TEAD1: variants seen among roughly 807,000 people sequenced by gnomAD.
TEAD1 encodes TEA domain transcription factor 1.
TEAD1 carries 9 observed loss-of-function variants against 54.9 expected under a neutral mutation model. That is an observed-to-expected ratio of 0.16 (90% CI 0.10 to 0.29). TEAD1 has a LOEUF of 0.29. TEAD1 is among the 10% of genes least tolerant of loss of function. The pLI, the probability that TEAD1 is intolerant of heterozygous loss-of-function variation, is 1.00. For synonymous variants in TEAD1, 200 were observed against 187.8 expected, an observed-to-expected ratio of 1.07 and a Z score of -0.53; for missense variants, 387 against 535.9, an observed-to-expected ratio of 0.72 and a Z score of 2.74.
At chr11:12,808,856 G>C (rs1429799354) in intron 3 of TEAD1, among the ~76,000 whole-genome samples, 1 of 152,144 alleles carries the variant, frequency 6.6e-6, no homozygotes, top group Non-Finnish European at 1.5e-5. Flanking sequence ...GTAAAATGGG[G>C]AGAAGAATAG....
chr11:12,736,986 T>C (rs1944547076), intron 2 of TEAD1, among the ~76,000 whole-genome samples: 1 of 152,162 alleles, frequency 6.6e-6, no homozygotes, highest in South Asian at 2.1e-4. Flanking sequence ...CAATAATACT[T>C]TATGGGACTT....
intron 9 of TEAD1, among the ~76,000 whole-genome samples, chr11:12,888,194 G>C (rs373123322): frequency 6.6e-6 from 1 of 152,192 alleles, no homozygotes; most frequent in East Asian, 1.9e-4. Flanking sequence ...CCTGCCTGTA[G>C]CATCTCTTAA....
chr11:12,858,380 G>A (rs1007903952), intron 3 of TEAD1, among the ~76,000 whole-genome samples: 1 of 152,158 alleles, frequency 6.6e-6, no homozygotes, highest in African/African-American at 2.4e-5. Flanking sequence ...GATATTTCAA[G>A]TAATTAAAAG....
chr11:12,703,670 C>A (rs1775970752), intron 2 of TEAD1, among the ~76,000 whole-genome samples: 1 of 152,154 alleles, frequency 6.6e-6, no homozygotes, highest in African/African-American at 2.4e-5. Flanking sequence ...TCTTTATATT[C>A]TCAGTGCTTT....
chr11:12,804,825 A>G (rs1946134866), intron 3 of TEAD1, among the ~76,000 whole-genome samples: 1 of 152,204 alleles, frequency 6.6e-6, no homozygotes, highest in African/African-American at 2.4e-5. Context: ...CGTAAAAACT[A>G]GGGTTTCTTC....
At chr11:12,850,917 A>G (rs1053367678) in intron 3 of TEAD1, 1 of 226,632 alleles carries the variant, frequency 4.4e-6, no homozygotes, top group Non-Finnish European at 7.3e-6. Context: ...ATGAGCATGC[A>G]TTGGTCATAA....
chr11:12,844,529 G>A (rs1947100869), intron 3 of TEAD1, among the ~76,000 whole-genome samples: 1 of 152,150 alleles, frequency 6.6e-6, no homozygotes, highest in South Asian at 2.1e-4. Flanking sequence ...ATCATTGGGG[G>A]GCAGGGGTGG....
At chr11:12,765,131 G>A (rs1267530224) in intron 3 of TEAD1, among the ~76,000 whole-genome samples, 1 of 152,104 alleles carries the variant, frequency 6.6e-6, no homozygotes, top group East Asian at 1.9e-4. Context: ...AACACCAAGA[G>A]TGCCAAGGAG....
intron 2 of TEAD1, among the ~76,000 whole-genome samples, chr11:12,749,888 A>G (rs879424076): frequency 2.0e-5 from 3 of 152,186 alleles, no homozygotes; most frequent in Non-Finnish European, 4.4e-5. Context: ...AACTGGATGT[A>G]AACCAAGGAC....
At chr11:12,896,845 TCCTGGTGTCTAGCACAGTG>T (rs1415544580) in intron 9 of TEAD1, among the ~76,000 whole-genome samples, 3 of 152,212 alleles carry the variant, frequency 2.0e-5, no homozygotes, top group Non-Finnish European at 2.9e-5. Flanking sequence ...GCTCATGGAT[TCCTGGTGTCTAGCACAGTG>T]CCTGGCATGT....
intron 3 of TEAD1, among the ~76,000 whole-genome samples, chr11:12,825,937 A>G (rs1439511828): frequency 6.6e-6 from 1 of 152,252 alleles, no homozygotes; most frequent in Non-Finnish European, 1.5e-5. Context: ...AGTCTTTTCA[A>G]TGAATAGTGC....
At chr11:12,748,766 C>T (rs1380431889) in intron 2 of TEAD1, among the ~76,000 whole-genome samples, 3 of 151,244 alleles carry the variant, frequency 2.0e-5, no homozygotes, top group Non-Finnish European at 2.9e-5. Context: ...GGGGACAGCT[C>T]AGCTCTGGCA....
intron 3 of TEAD1, among the ~76,000 whole-genome samples, chr11:12,809,267 C>T (rs1394715511): frequency 3.3e-5 from 5 of 152,172 alleles, no homozygotes; most frequent in African/African-American, 1.2e-4. Context: ...CTGTAGGTTC[C>T]TGGTTCTTGT....
chr11:12,790,518 A>G (rs1042389584), intron 3 of TEAD1, among the ~76,000 whole-genome samples: 1 of 152,214 alleles, frequency 6.6e-6, no homozygotes, highest in African/African-American at 2.4e-5. Context: ...GAGACAATGA[A>G]TATAATTCTA....
At chr11:12,802,564 G>A (rs529268220) in intron 3 of TEAD1, among the ~76,000 whole-genome samples, 31 of 152,302 alleles carry the variant, frequency 2.0e-4, no homozygotes, top group Middle Eastern at 3.4e-3. Context: ...GACTGGTGGT[G>A]GAGGGGCCTT....
intron 10 of TEAD1, among the ~76,000 whole-genome samples, chr11:12,919,003 T>G (rs1007372591): frequency 1.3e-5 from 2 of 152,164 alleles, no homozygotes; most frequent in Non-Finnish European, 2.9e-5. Context: ...GGAAGGATAT[T>G]TGGGGGAGAG....
chr11:12,734,822 C>T (rs1944494889), intron 2 of TEAD1, among the ~76,000 whole-genome samples: 1 of 152,098 alleles, frequency 6.6e-6, no homozygotes, highest in African/African-American at 2.4e-5. Flanking sequence ...TGTTGATGTA[C>T]GATGACGAAA....
chr11:12,854,729 C>A (rs762529807), intron 3 of TEAD1, among the ~76,000 whole-genome samples: 2 of 151,288 alleles, frequency 1.3e-5, no homozygotes, highest in Admixed American at 6.6e-5. Context: ...GTACCTGGGA[C>A]CACAGGCAGG....
At chr11:12,710,545 A>G (rs1278939098) in intron 2 of TEAD1, among the ~76,000 whole-genome samples, 2 of 152,168 alleles carry the variant, frequency 1.3e-5, no homozygotes, top group African/African-American at 4.8e-5. Context: ...CACAGTGAGA[A>G]TAGAGTGGTG....
Sources: gnomAD v4.1 joint callset for allele counts (sites outside exome capture counted in the v4.1 genomes callset) on GRCh38, gnomAD v4.1.1 for gene constraint, MANE v1.5 for transcripts, NCBI Gene and HGNC (gene_info 2026-07-23, HGNC 2026-07-21) for gene names.